The following PHF14 variants were observed in gnomAD, a reference collection of about 807,000 sequenced individuals.
PHF14 encodes the protein PHD finger protein 14.
Under a neutral mutation model 117.9 loss-of-function variants are expected in PHF14, and 55 were observed. The ratio of observed to expected loss-of-function variants is 0.47; its 90% confidence interval spans 0.38 to 0.58. The LOEUF is 0.58. Among genes scored for constraint, PHF14 ranks in the 20% least tolerant of loss-of-function variants. The pLI is 0.00. For synonymous variants in PHF14, 409 were observed against 368.6 expected, an observed-to-expected ratio of 1.11 and a Z score of -1.26; for missense variants, 978 against 1,122.2, an observed-to-expected ratio of 0.87 and a Z score of 1.84.
intron 17 of PHF14, among the ~76,000 whole-genome samples, chr7:11,113,367 A>G (rs997891318): frequency 2.0e-5 from 3 of 152,130 alleles, no homozygotes; most frequent in Admixed American, 6.6e-5. Flanking sequence ...CTTCTCTACC[A>G]CAGAATGGGT....
intron 3 of PHF14, 75 bp from the exon 4 acceptor site, chr7:10,990,628 A>G (rs1782416119): frequency 2.3e-6 from 2 of 886,538 alleles, no homozygotes; most frequent in Non-Finnish European, 3.4e-6. Context: ...TTTAAGTAAT[A>G]AAGAATTTTA....
chr7:11,079,482 TGTTCTGG>T, intron 16 of PHF14, among the ~76,000 whole-genome samples: 1 of 152,188 alleles, frequency 6.6e-6, no homozygotes, highest in South Asian at 2.1e-4. Flanking sequence ...AGTGAAAAGA[TGTTCTGG>T]AATAATAGTA....
chr7:11,157,770 C>T (rs888049671), intron 17 of PHF14, among the ~76,000 whole-genome samples: 1 of 152,138 alleles, frequency 6.6e-6, no homozygotes, highest in African/African-American at 2.4e-5. Context: ...TACTAGCTGG[C>T]AGTAAATACT....
chr7:11,166,552 A>G (rs979881971), intron 17 of PHF14, among the ~76,000 whole-genome samples: 2 of 152,164 alleles, frequency 1.3e-5, no homozygotes, highest in African/African-American at 4.8e-5. Context: ...GAAAAACATA[A>G]ATTAGCATTT....
intron 13 of PHF14, among the ~76,000 whole-genome samples, chr7:11,050,825 G>A (rs1266106473): frequency 6.6e-6 from 1 of 151,728 alleles, no homozygotes; most frequent in Non-Finnish European, 1.5e-5. Flanking sequence ...AAGTAGTAGG[G>A]GCCACCAAAT....
At chr7:11,102,778 C>G in intron 16 of PHF14, 1 of 1,366,420 alleles carries the variant, frequency 7.3e-7, no homozygotes, top group Admixed American at 3.0e-5. Context: ...TTTTTTTGCA[C>G]TTATCAGAAA....
At chr7:11,046,340 T>C (rs984385334) in intron 13 of PHF14, among the ~76,000 whole-genome samples, 1 of 152,216 alleles carries the variant, frequency 6.6e-6, no homozygotes, top group Non-Finnish European at 1.5e-5. Flanking sequence ...TCCACTCATC[T>C]GATTGGAACT....
chr7:11,062,117 G>A, intron 16 of PHF14, 32 bp downstream of exon 16: 4 of 1,549,314 alleles, frequency 2.6e-6, no homozygotes, highest in Non-Finnish European at 2.6e-6. Context: ...TGTCTTTAGG[G>A]GATGAAAGTT....
At chr7:11,018,568 T>A (rs1329584806) in intron 5 of PHF14, among the ~76,000 whole-genome samples, 1 of 152,246 alleles carries the variant, frequency 6.6e-6, no homozygotes, top group Non-Finnish European at 1.5e-5. Flanking sequence ...CACGTAGACA[T>A]GCTCCTGATT....
chr7:11,007,091 C>A (rs979332767), intron 4 of PHF14, among the ~76,000 whole-genome samples: 3 of 151,824 alleles, frequency 2.0e-5, no homozygotes, highest in African/African-American at 7.3e-5. Flanking sequence ...GCAGGAGAAT[C>A]GCTTGAACCC....
At chr7:10,978,139 T>C (rs375312904) in intron 2 of PHF14, among the ~76,000 whole-genome samples, 36 of 152,266 alleles carry the variant, frequency 2.4e-4, no homozygotes, top group African/African-American at 8.7e-4. Context: ...CCTGAGACTT[T>C]GGTGGTATTT....
chr7:11,138,362 C>T (rs571900603), intron 17 of PHF14, among the ~76,000 whole-genome samples: 1 of 152,216 alleles, frequency 6.6e-6, no homozygotes, highest in East Asian at 1.9e-4. Context: ...TCTAAAGAGA[C>T]TCCTTACAAG....
At chr7:11,034,155 A>AT (rs202135801) in intron 7 of PHF14, among the ~76,000 whole-genome samples, 30 of 150,926 alleles carry the variant, frequency 2.0e-4, no homozygotes, top group African/African-American at 4.4e-4. Flanking sequence ...GACACATTAG[A>AT]TTTTTTTTTC....
Position 10,991,822 on chromosome 7 carries a change from T to G in PHF14, c.1045+975T>G, listed in dbSNP as rs1782464832. Among the ~76,000 whole-genome samples, 5 of 142,938 alleles carry G rather than the reference T, an allele frequency of 3.5e-5. No homozygotes were observed. The Admixed American group carries it at 3.7e-4, about 10-fold the overall frequency. The allele number at this position is 142,938 out of a possible 152,430, so 93.8% of individuals were successfully genotyped here. On this transcript the variant is annotated intron_variant, in intron 4 of 17. Transcript: ENST00000634607. ...TATGTTGCCCAGGCTGATCTTGAACTCCTGGCCTCAAGCAATCTGCCTGCC... is the reference window on the plus strand; with the variant it reads ...TATGTTGCCCAGGCTGATCTTGAACGCCTGGCCTCAAGCAATCTGCCTGCC...
chr7:11,089,830 G>T (rs1407564043), intron 16 of PHF14, among the ~76,000 whole-genome samples: 2 of 146,946 alleles, frequency 1.4e-5, no homozygotes, highest in African/African-American at 5.0e-5. Flanking sequence ...GAGTGCATTG[G>T]CGTGATCTTG....
chr7:11,152,609 T>A (rs1385790660), intron 17 of PHF14, among the ~76,000 whole-genome samples: 2 of 152,192 alleles, frequency 1.3e-5, no homozygotes, highest in African/African-American at 4.8e-5. Flanking sequence ...ATTGAAAGGC[T>A]ACAATATGAT....
intron 16 of PHF14, among the ~76,000 whole-genome samples, chr7:11,076,165 G>T (rs921379682): frequency 6.6e-6 from 1 of 152,152 alleles, no homozygotes; most frequent in Admixed American, 6.5e-5. Context: ...CTGAGATTCA[G>T]AGTTAGGCAG....
intron 16 of PHF14, among the ~76,000 whole-genome samples, chr7:11,101,367 T>C (rs1443630622): frequency 1.3e-5 from 2 of 151,878 alleles, no homozygotes; most frequent in Non-Finnish European, 2.9e-5. Context: ...TTGCTTCCTC[T>C]TGCATTATAC....
chr7:11,159,993 G>C (rs2128356613), intron 17 of PHF14, among the ~76,000 whole-genome samples: 1 of 152,152 alleles, frequency 6.6e-6, no homozygotes, highest in African/African-American at 2.4e-5. Context: ...CTGAGTTTTG[G>C]GGTGTGATTC....
Sources: allele counts gnomAD v4.1 joint callset (sites outside exome capture counted in the v4.1 genomes callset), GRCh38; gene constraint gnomAD v4.1.1; transcripts MANE v1.5; gene names NCBI Gene and HGNC (gene_info 2026-07-23, HGNC 2026-07-21).